Variants in ARK2C observed in about 807,000 individuals in gnomAD.
ARK2C encodes arkadia (RNF111) C-terminal like ring finger ubiquitin ligase 2C.
the ARK2C span, among the ~76,000 whole-genome samples, chr18:46,442,434 A>G: frequency 0.66 from 100,993 of 152,000 alleles, 34,254 homozygotes; most frequent in Non-Finnish European, 0.72. Context: ...GAAGTTTATT[A>G]TTTAATTTTT....
At chr18:46,454,269 G>A in the ARK2C span, among the ~76,000 whole-genome samples, 1 of 151,896 alleles carries the variant, frequency 6.6e-6, no homozygotes, top group African/African-American at 2.4e-5. Context: ...TAGAAAGTAG[G>A]CAAATAGGCA....
chr18:46,375,179 C>T, the ARK2C span, among the ~76,000 whole-genome samples: 3 of 152,226 alleles, frequency 2.0e-5, no homozygotes, highest in African/African-American at 4.8e-5. Flanking sequence ...CCTTCCAGGC[C>T]GCCCTGGCCG....
chr18:46,441,858 T>A, the ARK2C span, among the ~76,000 whole-genome samples: 5 of 27,228 alleles, frequency 1.8e-4, no homozygotes, highest in Non-Finnish European at 3.2e-4. Flanking sequence ...CGAGACTCCA[T>A]CTCAAAAAAA....
the ARK2C span, among the ~76,000 whole-genome samples, chr18:46,382,014 C>T: frequency 6.6e-6 from 1 of 152,194 alleles, no homozygotes; most frequent in Non-Finnish European, 1.5e-5. Flanking sequence ...AGCCCCACAG[C>T]AGTGCCGGGA....
At chr18:46,441,323 G>C in the ARK2C span, among the ~76,000 whole-genome samples, 14 of 152,070 alleles carry the variant, frequency 9.2e-5, no homozygotes, top group Admixed American at 3.9e-4. Context: ...AGGCCCAAAT[G>C]ATTCTCCTGC....
At chr18:46,400,185 C>A in the ARK2C span, among the ~76,000 whole-genome samples, 3 of 152,318 alleles carry the variant, frequency 2.0e-5, no homozygotes, top group East Asian at 5.8e-4. Context: ...TATTCCCGAC[C>A]CTCATGCTGG....
chr18:46,337,409 T>A, the ARK2C span: 1 of 985,406 alleles, frequency 1.0e-6, no homozygotes. Flanking sequence ...ATCTGTATTT[T>A]TTTACATCCC....
chr18:46,456,106 T>C, the ARK2C span: 10 of 1,356,566 alleles, frequency 7.4e-6, no homozygotes, highest in Non-Finnish European at 1.0e-5. Context: ...TTTGATTCCC[T>C]CTCCCCTCTC....
the ARK2C span, among the ~76,000 whole-genome samples, chr18:46,342,063 G>A: frequency 6.6e-6 from 1 of 152,114 alleles, no homozygotes; most frequent in African/African-American, 2.4e-5. Flanking sequence ...TGCAAAGAGG[G>A]GTTTTTTCGC....
At chr18:46,383,760 T>A in the ARK2C span, among the ~76,000 whole-genome samples, 168 of 151,904 alleles carry the variant, frequency 1.1e-3, no homozygotes, top group African/African-American at 3.9e-3. Context: ...TTCACCGTGT[T>A]GGCCAGGATG....
At chr18:46,384,686 TG>T in the ARK2C span, among the ~76,000 whole-genome samples, 1 of 152,214 alleles carries the variant, frequency 6.6e-6, no homozygotes, top group African/African-American at 2.4e-5. Context: ...CTTGGGACCA[TG>T]GCCAACCCAT....
At chr18:46,376,277 G>A in the ARK2C span, among the ~76,000 whole-genome samples, 1 of 152,238 alleles carries the variant, frequency 6.6e-6, no homozygotes, top group African/African-American at 2.4e-5. Flanking sequence ...CTTTCTCTGT[G>A]TCAAGAATCT....
the ARK2C span, chr18:46,447,833 C>A: frequency 1.1e-6 from 1 of 944,698 alleles, no homozygotes; most frequent in Non-Finnish European, 1.7e-6. Flanking sequence ...TCCACATGAC[C>A]CAGCTCACCT....
chr18:46,443,332 G>T, the ARK2C span, among the ~76,000 whole-genome samples: 3 of 151,656 alleles, frequency 2.0e-5, no homozygotes, highest in Admixed American at 1.3e-4. Flanking sequence ...ATTTTATTTT[G>T]GGAATTCACT....
the ARK2C span, among the ~76,000 whole-genome samples, chr18:46,415,117 G>A: frequency 0.27 from 41,765 of 152,072 alleles, 6,909 homozygotes; most frequent in East Asian, 0.78. Flanking sequence ...CCCTGTGTCA[G>A]TCCAGAGTGT....
chr18:46,413,489 C>T, the ARK2C span, among the ~76,000 whole-genome samples: 1 of 152,148 alleles, frequency 6.6e-6, no homozygotes, highest in Admixed American at 6.5e-5. Flanking sequence ...GAAACCACAT[C>T]TGCCTTGTCT....
chr18:46,348,883 A>ACT, the ARK2C span, among the ~76,000 whole-genome samples: 9 of 136,856 alleles, frequency 6.6e-5, no homozygotes, highest in South Asian at 4.8e-4. Context: ...TGACCACAGA[A>ACT]CTCTCTCTCT....
the ARK2C span, among the ~76,000 whole-genome samples, chr18:46,341,602 C>G: frequency 6.6e-6 from 1 of 152,176 alleles, no homozygotes; most frequent in African/African-American, 2.4e-5. Context: ...GGAGTTGAGA[C>G]TTCTAGTCCT....
At chr18:46,451,785 A>G in the ARK2C span, among the ~76,000 whole-genome samples, 3 of 152,368 alleles carry the variant, frequency 2.0e-5, no homozygotes, top group South Asian at 4.1e-4. Flanking sequence ...AGCCTGGACA[A>G]CAGAGCAAGA....
Sources: allele counts gnomAD v4.1 joint callset (sites outside exome capture counted in the v4.1 genomes callset), GRCh38; gene constraint gnomAD v4.1.1; transcripts MANE v1.5; gene names NCBI Gene and HGNC (gene_info 2026-07-23, HGNC 2026-07-21).